The following SDK2 variants were observed in gnomAD, a reference collection of about 807,000 sequenced individuals.
The protein encoded by SDK2 is protein sidekick-2.
Under a neutral mutation model 253.9 loss-of-function variants are expected in SDK2, and 105 were observed. The ratio of observed to expected loss-of-function variants is 0.41; its 90% CI spans 0.35 to 0.49. SDK2 has a LOEUF of 0.49. Among genes scored for constraint, SDK2 ranks in the 20% least tolerant of loss-of-function variants. The probability of loss-of-function intolerance (pLI) is 0.06; values close to 1 mark genes in which losing one functional copy is unlikely to be tolerated. For missense variants in SDK2, 2,608 were observed against 3,003.0 expected, an observed-to-expected ratio of 0.87 and a Z score of 3.07; for synonymous variants, 1,249 against 1,234.9, an observed-to-expected ratio of 1.01 and a Z score of -0.24.
intron 4 of SDK2, among the ~76,000 whole-genome samples, chr17:73,452,327 G>A (rs373094236): frequency 1.7e-4 from 26 of 152,046 alleles, no homozygotes; most frequent in Admixed American, 5.2e-4. Context: ...CTGACACACA[G>A]ACACCAGGGA....
In SDK2 at chr17:73,361,614, C is replaced by T. The variant is rs556969712; in HGVS notation, c.5467+70G>A. 3.9e-5 allele frequency: 59 copies of T among 1,520,704 alleles called. No individual in the cohort carries two copies. The highest frequency in any genetic ancestry group is 2.5e-4 in the East Asian group (11 of 43,672). The allele number at this position is 1,520,704 out of a possible 1,614,324, so 94.2% of individuals were successfully genotyped here. ...CAGGGTCCAGCACAGCTCTTGACAC[C>T]GGGGGCCCCTTCTGACTGGGGACGC... On this transcript the variant is annotated intron_variant, in intron 39 of 44. Transcript: ENST00000392650. The surrounding 1 kb of genome is among the most constrained non-coding windows in gnomAD (Gnocchi z 4.1).
intron 1 of SDK2, among the ~76,000 whole-genome samples, chr17:73,598,508 GC>G (rs1267142072): frequency 1.3e-5 from 2 of 152,178 alleles, no homozygotes; most frequent in South Asian, 2.1e-4. Flanking sequence ...CTTCCCCTCT[GC>G]CCGGCTCTCG....
At position 73,446,392 on chromosome 17, in the gene SDK2, C is replaced by T. The variant is rs570349303; in HGVS notation, c.613+1223G>A. 2.5e-4 allele frequency among the ~76,000 whole-genome samples: 38 copies of T among 152,264 alleles called. No homozygotes were observed. The South Asian group carries it at 4.8e-3, about 19-fold the overall frequency. On this transcript the variant is annotated intron_variant, in intron 5 of 44. Coordinates refer to ENST00000392650, the MANE Select transcript of SDK2 (RefSeq NM_001144952.2). ...GGTCAGTCTCCAGATATACTTGTGA[C>T]GCCGATGGGTCAGTCTCCAGAATGA...
chr17:73,431,455 C>T lies in SDK2; in HGVS notation c.1480+47G>A. ...AGTCCTCAGCACCTACAGGGATGTA[C>T]ACACGCACACACAAATGTATAAAGC... On this transcript the variant is annotated intron_variant, in intron 11 of 44. Transcript: ENST00000392650. The surrounding 1 kb of genome is among the most constrained non-coding windows in gnomAD (Gnocchi z 5.6). The T allele has an allele frequency of 1.9e-6, 3 of 1,564,490 alleles. No individual in the cohort carries two copies. Among genetic ancestry groups the T allele is most frequent in the African/African-American group, 1.4e-5 (1 of 73,458 alleles).
intron 1 of SDK2, among the ~76,000 whole-genome samples, chr17:73,575,485 CTGAGG>C (rs1358277140): frequency 2.6e-5 from 4 of 152,214 alleles, no homozygotes; most frequent in Non-Finnish European, 5.9e-5. Flanking sequence ...AGCTTGGATT[CTGAGG>C]TAGACTCATT....
At chr17:73,516,660 G>A (rs17782371) in intron 1 of SDK2, 40,881 of 152,174 alleles carry the variant, frequency 0.27, 6,611 homozygotes, top group South Asian at 0.38. Context: ...TTCATTAGCC[G>A]GGAAAGAAGA....
chr17:73,598,014 C>A (rs9911841), intron 1 of SDK2, among the ~76,000 whole-genome samples: 20,721 of 152,068 alleles, frequency 0.14, 1,566 homozygotes, highest in African/African-American at 0.2. Context: ...GGAAGAGTGA[C>A]GCTCAGAGGG....
intron 18 of SDK2, among the ~76,000 whole-genome samples, chr17:73,403,464 G>A (rs777552931): frequency 3.5e-5 from 5 of 142,240 alleles, no homozygotes; most frequent in South Asian, 2.2e-4. Context: ...CTCACCTCAC[G>A]CTCCTGTTTC....
intron 10 of SDK2, among the ~76,000 whole-genome samples, chr17:73,432,648 G>A (rs1297708433): frequency 6.6e-6 from 1 of 151,980 alleles, no homozygotes; most frequent in Non-Finnish European, 1.5e-5. Flanking sequence ...TGCATGAGAA[G>A]GTGGGGAGTG....
At chr17:73,348,884 G>C (rs2062509519) in intron 43 of SDK2, among the ~76,000 whole-genome samples, 159 bp from the exon 44 acceptor site, 1 of 152,212 alleles carries the variant, frequency 6.6e-6, no homozygotes, top group Admixed American at 6.5e-5. Flanking sequence ...GGGCCTGGGA[G>C]GTAGGAATCT....
chr17:73,615,472 T>C (rs1432626962), intron 1 of SDK2, among the ~76,000 whole-genome samples: 1 of 152,196 alleles, frequency 6.6e-6, no homozygotes, highest in African/African-American at 2.4e-5. Flanking sequence ...TCCAGGTCTT[T>C]GCATAACACT....
chr17:73,404,252 T>C (rs963717861), intron 18 of SDK2, among the ~76,000 whole-genome samples: 1 of 152,124 alleles, frequency 6.6e-6, no homozygotes, highest in African/African-American at 2.4e-5. Flanking sequence ...ATATTTACTC[T>C]GGGATGTGAG....
At chr17:73,445,437 T>C (rs2063446450) in intron 5 of SDK2, among the ~76,000 whole-genome samples, 1 of 152,204 alleles carries the variant, frequency 6.6e-6, no homozygotes, top group Non-Finnish European at 1.5e-5. Flanking sequence ...TCAGGAGCTG[T>C]GACAGTCCGA....
chr17:73,469,992 G>GCGCGCGCACATACA (rs1328450219), intron 3 of SDK2, among the ~76,000 whole-genome samples: 1 of 126,184 alleles, frequency 7.9e-6, no homozygotes, highest in South Asian at 3.0e-4. Context: ...GCGCGCGCGC[G>GCGCGCGCACATACA]CACACACACA....
chr17:73,506,172 T>C (rs2063934469), intron 2 of SDK2, among the ~76,000 whole-genome samples: 1 of 152,200 alleles, frequency 6.6e-6, no homozygotes, highest in South Asian at 2.1e-4. Flanking sequence ...CAGGGGCCCT[T>C]CACAGAGACG....
intron 1 of SDK2, among the ~76,000 whole-genome samples, chr17:73,540,165 T>A (rs942812669): frequency 2.6e-5 from 4 of 152,072 alleles, no homozygotes; most frequent in African/African-American, 9.7e-5. Context: ...CAGGATGGGC[T>A]GTCCCCACTG....
chr17:73,588,205 C>CA (rs1016375956), intron 1 of SDK2, among the ~76,000 whole-genome samples: 9 of 147,804 alleles, frequency 6.1e-5, no homozygotes, highest in Non-Finnish European at 1.0e-4. Context: ...AGACCCCCCC[C>CA]CCTCCCCCGC....
At chr17:73,355,276 G>A (rs1302440236) in intron 40 of SDK2, among the ~76,000 whole-genome samples, 1 of 144,606 alleles carries the variant, frequency 6.9e-6, no homozygotes, top group Non-Finnish European at 1.5e-5. Flanking sequence ...TCCCATTCAA[G>A]AGATTCTCCT....
intron 1 of SDK2, among the ~76,000 whole-genome samples, chr17:73,574,618 G>C (rs765051189): frequency 1.3e-5 from 2 of 152,132 alleles, no homozygotes; most frequent in Non-Finnish European, 2.9e-5. Context: ...CAGGAGACAA[G>C]GTCCTCTGTG....
Sources: gnomAD v4.1 joint callset for allele counts (sites outside exome capture counted in the v4.1 genomes callset) on GRCh38, gnomAD v4.1.1 for gene constraint, Gnocchi (gnomAD v3.1) non-coding constraint, MANE v1.5 for transcripts, NCBI Gene and HGNC (gene_info 2026-07-23, HGNC 2026-07-21) for gene names.